The following B4GALT5 variants were observed in gnomAD, a reference collection of about 807,000 sequenced individuals.
B4GALT5 encodes UDP-Gal:beta-GlcNAc beta-1,4-galactosyltransferase 5.
A neutral mutation model predicts 45.0 loss-of-function variants in B4GALT5; 11 were observed. The observed-to-expected ratio is 0.24, with a 90% confidence interval of 0.15 to 0.40. B4GALT5 has a LOEUF of 0.40. B4GALT5 is among the 10% of genes least tolerant of loss of function. The pLI is 1.00. For missense variants in B4GALT5, 337 were observed against 500.2 expected (o/e 0.67, Z 3.11); for synonymous variants, 185 against 182.9 (o/e 1.01, Z -0.09).
chr20:49,684,392 C>G (rs2085776867), intron 1 of B4GALT5, among the ~76,000 whole-genome samples: 1 of 152,100 alleles, frequency 6.6e-6, no homozygotes, highest in Non-Finnish European at 1.5e-5. Flanking sequence ...GAAACCCGGT[C>G]TCTACTAAAG....
chr20:49,672,261 C>T (rs1051793915), intron 1 of B4GALT5, among the ~76,000 whole-genome samples: 4 of 152,184 alleles, frequency 2.6e-5, no homozygotes, highest in African/African-American at 9.7e-5. Flanking sequence ...AATTTAAGTG[C>T]TTCCAAGAAG....
At chr20:49,678,098 C>T (rs2085747325) in intron 1 of B4GALT5, among the ~76,000 whole-genome samples, 1 of 152,226 alleles carries the variant, frequency 6.6e-6, no homozygotes. Context: ...ATATGTTCCA[C>T]CTTAGGACAA....
At chr20:49,678,200 C>T (rs2085747991) in intron 1 of B4GALT5, among the ~76,000 whole-genome samples, 1 of 152,236 alleles carries the variant, frequency 6.6e-6, no homozygotes, top group Admixed American at 6.5e-5. Context: ...CTCACCCCTC[C>T]TGATATGGCA....
At chr20:49,709,194 TTTAAG>T (rs1490546435) in intron 1 of B4GALT5, among the ~76,000 whole-genome samples, 1 of 152,208 alleles carries the variant, frequency 6.6e-6, no homozygotes, top group Admixed American at 6.5e-5. Context: ...CGGATTTTTT[TTTAAG>T]TTAACAGGTC....
chr20:49,681,980 C>T (rs2085765903), intron 1 of B4GALT5, among the ~76,000 whole-genome samples: 1 of 152,208 alleles, frequency 6.6e-6, no homozygotes, highest in African/African-American at 2.4e-5. Context: ...CCTGTAGTCC[C>T]AGGTCCTTGG....
intron 2 of B4GALT5, 138 bp from the exon 3 acceptor site, chr20:49,647,216 T>A: frequency 1.8e-6 from 1 of 559,458 alleles, no homozygotes; most frequent in Non-Finnish European, 3.2e-6. Flanking sequence ...ACCGCTTTGA[T>A]GCAGCTAAAA....
chr20:49,654,963 A>G (rs1284511006), intron 2 of B4GALT5, among the ~76,000 whole-genome samples: 1 of 152,032 alleles, frequency 6.6e-6, no homozygotes, highest in Non-Finnish European at 1.5e-5. Context: ...AAAATTAGCC[A>G]TGTCTACAAA....
At chr20:49,655,637 AAAAG>A (rs985257978) in intron 2 of B4GALT5, among the ~76,000 whole-genome samples, 5 of 151,938 alleles carry the variant, frequency 3.3e-5, no homozygotes, top group African/African-American at 1.2e-4. Flanking sequence ...GAAAGAGTTG[AAAAG>A]AAAGAGCCCT....
At chr20:49,646,104 C>A (rs549519439) in intron 3 of B4GALT5, among the ~76,000 whole-genome samples, 28 of 152,238 alleles carry the variant, frequency 1.8e-4, no homozygotes, top group Middle Eastern at 3.4e-3. Flanking sequence ...GAGGCTGAGG[C>A]AAGAGGGTTG....
intron 2 of B4GALT5, among the ~76,000 whole-genome samples, chr20:49,655,839 G>GT (rs2085640376): frequency 6.7e-6 from 1 of 150,008 alleles, no homozygotes. Context: ...TGAGGCACGA[G>GT]TATCACTTGA....
intron 3 of B4GALT5, 152 bp from the exon 4 acceptor site, chr20:49,643,802 G>C (rs146155749): frequency 1.4e-6 from 1 of 723,782 alleles, no homozygotes; most frequent in Non-Finnish European, 2.1e-6. Context: ...CCATCTCACC[G>C]TATTTCAGTT....
chr20:49,697,515 G>T (rs752351827), intron 1 of B4GALT5, among the ~76,000 whole-genome samples: 1 of 151,306 alleles, frequency 6.6e-6, no homozygotes, highest in Non-Finnish European at 1.5e-5. Context: ...TTCTTTATCC[G>T]CCCATCTCTA....
intron 2 of B4GALT5, among the ~76,000 whole-genome samples, chr20:49,655,289 G>C (rs1327014076): frequency 6.6e-6 from 1 of 151,932 alleles, no homozygotes; most frequent in Non-Finnish European, 1.5e-5. Flanking sequence ...AAGTTAGCCA[G>C]GTATGGTGGC....
At chr20:49,671,139 G>A (rs773361029) in intron 1 of B4GALT5, among the ~76,000 whole-genome samples, 1 of 152,186 alleles carries the variant, frequency 6.6e-6, no homozygotes, top group Admixed American at 6.5e-5. Context: ...AGCACTTTGG[G>A]AGGCCAAGGT....
In B4GALT5 at chr20:49,647,209, G is replaced by A. The variant is rs573087186; in HGVS notation, c.251-131C>T. ...GAAGGAGACAGGACTCTGGACTACC[G>A]CTTTGATGCAGCTAAAAATGTGAAC... is the stretch of plus-strand genomic sequence containing the variant. On this transcript the variant is annotated intron_variant, in intron 2 of 8. Transcript: ENST00000371711. The A allele has an allele frequency of 2.3e-5, 13 of 567,736 alleles. No individual in the cohort carries two copies. In the Admixed American group the frequency reaches 2.3e-4, roughly 10 times the overall value. 35.2% of individuals were successfully genotyped at this position (567,736 alleles called of 1,614,324 possible). A position where few individuals can be genotyped will look rare whatever the true frequency, so the allele number is the denominator to read the frequency against.
intron 1 of B4GALT5, among the ~76,000 whole-genome samples, chr20:49,661,517 G>C (rs2085664841): frequency 6.6e-6 from 1 of 152,178 alleles, no homozygotes; most frequent in South Asian, 2.1e-4. Context: ...TTACAGACGT[G>C]AGCCACCGCA....
At chr20:49,639,194 A>G (rs1302603136) in intron 7 of B4GALT5, among the ~76,000 whole-genome samples, 1 of 152,208 alleles carries the variant, frequency 6.6e-6, no homozygotes, top group Non-Finnish European at 1.5e-5. Flanking sequence ...TGAACGTATT[A>G]TTTATTAGAA....
chr20:49,640,409 A>T (rs2085571796), intron 6 of B4GALT5, 69 bp downstream of exon 6: 1 of 1,404,518 alleles, frequency 7.1e-7, no homozygotes. Flanking sequence ...AGCTAATTAG[A>T]TTTCCTTTTC....
chr20:49,667,286 G>A (rs1179718726), intron 1 of B4GALT5, among the ~76,000 whole-genome samples: 7 of 147,384 alleles, frequency 4.7e-5, no homozygotes, highest in Non-Finnish European at 1.0e-4. Context: ...GACTCTCGCT[G>A]TCACCCAGGC....
Sources: allele counts gnomAD v4.1 joint callset (sites outside exome capture counted in the v4.1 genomes callset), GRCh38; gene constraint gnomAD v4.1.1; transcripts MANE v1.5; gene names NCBI Gene and HGNC (gene_info 2026-07-23, HGNC 2026-07-21).